Variants in CLNK observed in about 807,000 individuals in gnomAD.
CLNK encodes cytokine dependent hematopoietic cell linker.
A neutral mutation model predicts 68.6 loss-of-function variants in CLNK; 74 were observed. That is an observed-to-expected ratio of 1.08 (90% CI 0.89 to 1.31). CLNK has a LOEUF of 1.31. Ranked by LOEUF, CLNK falls within the 50% of genes most tolerant of loss-of-function variation. CLNK has a pLI of 0.00. For missense variants in CLNK, 553 were observed against 515.3 expected, an observed-to-expected ratio of 1.07 and a Z score of -0.71; for synonymous variants, 198 against 172.2, an observed-to-expected ratio of 1.15 and a Z score of -1.17.
the CLNK span, among the ~76,000 whole-genome samples, chr4:10,712,669 T>G: frequency 6.6e-6 from 1 of 152,230 alleles, no homozygotes; most frequent in Non-Finnish European, 1.5e-5. Context: ...CTTAGCTTGC[T>G]TTTCTATAAT....
At chr4:10,601,707 T>C (rs1369804424) in intron 2 of CLNK, among the ~76,000 whole-genome samples, 1 of 152,206 alleles carries the variant, frequency 6.6e-6, no homozygotes, top group Non-Finnish European at 1.5e-5. Context: ...TTTACTAGTC[T>C]CCTAAGTAGA....
intron 3 of CLNK, among the ~76,000 whole-genome samples, chr4:10,585,943 G>A (rs930158514): frequency 1.3e-5 from 2 of 152,154 alleles, no homozygotes; most frequent in African/African-American, 4.8e-5. Context: ...ACAGATGGGG[G>A]TGGGGGATGG....
intron 4 of CLNK, among the ~76,000 whole-genome samples, chr4:10,572,611 A>T (rs1303306349): frequency 6.6e-6 from 1 of 152,186 alleles, no homozygotes; most frequent in Admixed American, 6.5e-5. Context: ...TTATTAGCAC[A>T]TATGTGAGAA....
intron 11 of CLNK, among the ~76,000 whole-genome samples, chr4:10,538,817 A>G (rs966845521): frequency 2.6e-5 from 4 of 152,194 alleles, no homozygotes; most frequent in Non-Finnish European, 4.4e-5. Flanking sequence ...GTTATATTCT[A>G]TGGGGCAACA....
chr4:10,655,098 CTCG>C (rs1388996117), intron 2 of CLNK, among the ~76,000 whole-genome samples: 6 of 107,012 alleles, frequency 5.6e-5, no homozygotes, highest in African/African-American at 2.2e-4. Context: ...GAGACACCGA[CTCG>C]AAAAAAAAAA....
At chr4:10,595,057 G>A (rs540009735) in intron 3 of CLNK, among the ~76,000 whole-genome samples, 25 of 152,078 alleles carry the variant, frequency 1.6e-4, no homozygotes, top group Non-Finnish European at 2.8e-4. Flanking sequence ...CTCCAGCCTG[G>A]GCAACAAGAG....
At chr4:10,679,046 G>A (rs909368617) in intron 1 of CLNK, among the ~76,000 whole-genome samples, 7 of 152,058 alleles carry the variant, frequency 4.6e-5, no homozygotes, top group Admixed American at 2.6e-4. Flanking sequence ...AAACAAGAGC[G>A]TGCATTGCCA....
At chr4:10,655,233 A>C (rs1034919860) in intron 2 of CLNK, among the ~76,000 whole-genome samples, 8 of 152,026 alleles carry the variant, frequency 5.3e-5, no homozygotes, top group Non-Finnish European at 1.2e-4. Flanking sequence ...AGAGATATAT[A>C]ACATGTTCGT....
chr4:10,630,222 C>T (rs965452779), intron 2 of CLNK, among the ~76,000 whole-genome samples: 1 of 152,126 alleles, frequency 6.6e-6, no homozygotes, highest in Non-Finnish European at 1.5e-5. Flanking sequence ...TATTCCTGAG[C>T]CTGATAATTT....
chr4:10,707,057 A>C, the CLNK span, among the ~76,000 whole-genome samples: 1 of 152,138 alleles, frequency 6.6e-6, no homozygotes, highest in South Asian at 2.1e-4. Context: ...CTGGGATTAC[A>C]GGGGTGAGCC....
the CLNK span, among the ~76,000 whole-genome samples, chr4:10,694,145 G>C: frequency 6.6e-6 from 1 of 151,758 alleles, no homozygotes; most frequent in Admixed American, 6.6e-5. Flanking sequence ...TGCCACGTCA[G>C]TCTTTTCAGC....
chr4:10,605,144 T>C (rs538305029), intron 2 of CLNK, among the ~76,000 whole-genome samples: 1 of 152,350 alleles, frequency 6.6e-6, no homozygotes, highest in East Asian at 1.9e-4. Flanking sequence ...TACCCGGATC[T>C]CTCGCCTGCC....
chr4:10,702,010 G>A, the CLNK span, among the ~76,000 whole-genome samples: 3 of 152,192 alleles, frequency 2.0e-5, no homozygotes, highest in Non-Finnish European at 4.4e-5. Flanking sequence ...TGGCACACAG[G>A]TGTGAAGACA....
intron 15 of CLNK, among the ~76,000 whole-genome samples, chr4:10,515,738 C>G (rs1254489891): frequency 6.6e-6 from 1 of 152,126 alleles, no homozygotes; most frequent in East Asian, 1.9e-4. Flanking sequence ...GTGGGTGGTG[C>G]AAATGTGATT....
chr4:10,664,660 C>T (rs1325749630), intron 2 of CLNK, among the ~76,000 whole-genome samples: 3 of 152,206 alleles, frequency 2.0e-5, no homozygotes, highest in Admixed American at 1.3e-4. Context: ...ACTCAGCATG[C>T]CTGGGCTGGG....
At chr4:10,645,226 C>T (rs1723462184) in intron 2 of CLNK, among the ~76,000 whole-genome samples, 1 of 152,220 alleles carries the variant, frequency 6.6e-6, no homozygotes, top group African/African-American at 2.4e-5. Flanking sequence ...TTGAGCTTCG[C>T]TGCCTCTAGC....
At position 10,605,759 on chromosome 4, in the gene CLNK, C is replaced by G. The variant is rs999700719; in HGVS notation, c.12-7710G>C. 6.8e-4 allele frequency among the ~76,000 whole-genome samples: 88 copies of G among 129,624 alleles called. 1 individual carries two copies. Among genetic ancestry groups the G allele is most frequent in the African/African-American group, 2.3e-3 (80 of 34,730 alleles). The allele number at this position is 129,624 out of a possible 152,430, so 85.0% of individuals were successfully genotyped here. A position where few individuals can be genotyped will look rare whatever the true frequency, so the allele number is the denominator to read the frequency against. On this transcript the variant is annotated intron_variant, in intron 2 of 18. Coordinates refer to ENST00000226951, the MANE Select transcript of CLNK (RefSeq NM_052964.4). ...AGGAGAATCGCTTGAAGCCAGGAGG[C>G]AGAGGTTGCAGTGAGCTGAGATCAC...
chr4:10,562,833 G>A (rs1203402654), intron 7 of CLNK, among the ~76,000 whole-genome samples: 4 of 152,084 alleles, frequency 2.6e-5, no homozygotes, highest in Non-Finnish European at 5.9e-5. Context: ...TCTATTGTCT[G>A]TCTATTGTGC....
rs1017100212 is a variant in CLNK at position 10,579,786 on chromosome 4, C to T, written c.112+5141G>A. Among the ~76,000 whole-genome samples the T allele has an allele frequency of 3.9e-5, 6 of 152,178 alleles. No homozygotes were observed. In the East Asian group the frequency reaches 5.8e-4, roughly 15 times the overall value. ...CCACATGTGCCTGGCAACATGGCCA[C>T]CCCCACATATCCCCACCTGTGTAGA... On this transcript the variant is annotated intron_variant, in intron 4 of 18. Coordinates refer to ENST00000226951, the MANE Select transcript of CLNK (RefSeq NM_052964.4).
Sources: gnomAD v4.1 joint callset for allele counts (sites outside exome capture counted in the v4.1 genomes callset) on GRCh38, gnomAD v4.1.1 for gene constraint, MANE v1.5 for transcripts, NCBI Gene and HGNC (gene_info 2026-07-23, HGNC 2026-07-21) for gene names.